Variants in MICALL2 observed in about 807,000 individuals in gnomAD.
MICALL2 encodes the protein MICAL-like protein 2.
Under a neutral mutation model 91.1 loss-of-function variants are expected in MICALL2, and 111 were observed. The observed-to-expected ratio is 1.22, with a 90% confidence interval of 1.04 to 1.43. The LOEUF (loss-of-function observed/expected upper bound fraction) is 1.43, where lower values mean the gene tolerates loss of function less well. Among genes scored for constraint, MICALL2 ranks in the 40% most tolerant of loss-of-function variants. The pLI, the probability that MICALL2 is intolerant of heterozygous loss-of-function variation, is 0.00. For missense variants in MICALL2, 1,556 were observed against 1,236.0 expected (o/e 1.26, Z -3.88); for synonymous variants, 694 against 525.3 (o/e 1.32, Z -4.39).
chr7:1,440,889 C>A (rs1780248892), intron 7 of MICALL2: 2 of 563,856 alleles, frequency 3.5e-6, no homozygotes, highest in Admixed American at 3.0e-5. Context: ...GCTGTGTGTC[C>A]CTGGGGGAAG....
At chr7:1,447,125 A>G (rs1315569966) in intron 4 of MICALL2, among the ~76,000 whole-genome samples, 1 of 152,094 alleles carries the variant, frequency 6.6e-6, no homozygotes, top group African/African-American at 2.4e-5. Flanking sequence ...ATCCCATCCA[A>G]TTCCCACCAT....
chr7:1,435,077 C>G (rs549129945), intron 16 of MICALL2, 24 bp downstream of exon 16: 1 of 1,610,592 alleles, frequency 6.2e-7, no homozygotes, highest in African/African-American at 1.3e-5. Flanking sequence ...CCAGCCCAGC[C>G]CTCAGCATCC....
intron 1 of MICALL2, among the ~76,000 whole-genome samples, chr7:1,456,548 T>C (rs942056564): frequency 1.3e-5 from 2 of 152,120 alleles, no homozygotes; most frequent in African/African-American, 4.8e-5. Flanking sequence ...ATCGCACCAC[T>C]GCACTCCAGC....
chr7:1,438,843 G>A lies in MICALL2; in HGVS notation c.2119C>T (p.Pro707Ser), dbSNP rs761838976. The stretch of plus-strand genomic sequence containing the variant: ...CAGCGGTGTCTCTGGGGCTGACCTG[G>A]TTTGCCCTGAAGGTGAGGTTTCTTC... ...EEKKPHLQGK[P>S]GRPLSPANVP... is the part of the protein sequence containing the mutation. The change falls in exon 10 of 17, where the codon CCA becomes TCA. Residue 707 changes from proline to serine, a missense_variant. Coordinates refer to ENST00000297508, the MANE Select transcript of MICALL2 (RefSeq NM_182924.4). 9.4e-6 allele frequency: 15 copies of A among 1,602,940 alleles called. No individual in the cohort carries two copies. The South Asian group carries it at 1.4e-4, about 15-fold the overall frequency.
At chr7:1,448,518 G>GA (rs1562463865) in intron 3 of MICALL2, 102 bp downstream of exon 3, 1 of 1,084,076 alleles carries the variant, frequency 9.2e-7, no homozygotes, top group African/African-American at 1.6e-5. Context: ...ATTCTTGGGG[G>GA]GGGGGCTGGG....
In MICALL2 at chr7:1,448,758, A is replaced by G; in HGVS notation, c.196T>C (p.Phe66Leu). The G allele has an allele frequency of 6.2e-7, 1 of 1,612,548 alleles. No individual in the cohort carries two copies. The highest frequency in any genetic ancestry group is 8.5e-7 in the Non-Finnish European group (1 of 1,179,854). Residue 66 changes from phenylalanine to leucine, a missense_variant, in exon 3 of 17, where the codon TTC becomes CTC. Physicochemically the swap from Phe to Leu is conservative, Grantham distance 22. Transcript: ENST00000297508. Reference sequence around the variant, plus strand: ...CCCAAGTGCTCCTCGGCCACGCGGAAGGCCTGCGAAAGGTGGGAGGGGGTC... The same window carrying G: ...CCCAAGTGCTCCTCGGCCACGCGGAGGGCCTGCGAAAGGTGGGAGGGGGTC... ...ENIYENNKLA[F>L]RVAEEHLGIP...
chr7:1,434,616 TG>T lies in MICALL2; in HGVS notation c.2694del (p.Ser898ArgfsTer11). On this transcript the variant is annotated frameshift_variant, in exon 17 of 17. Coordinates refer to ENST00000297508, the MANE Select transcript of MICALL2 (RefSeq NM_182924.4). LOFTEE classifies it high-confidence loss of function. ...FRLSKIWSPK[S>X]KSSPSQ ...GGCTACTACTGGGAGGGGCTGCTTT[TG>T]CTTTTTGGTGACCAGATCTTGGACA... 1.3e-6 allele frequency: 2 copies of T among 1,589,896 alleles called. No homozygotes were observed. Among genetic ancestry groups the T allele is most frequent in the Non-Finnish European group, 1.7e-6 (2 of 1,172,204 alleles).
In MICALL2 at chr7:1,438,233, G is replaced by A. The variant is rs1417223070; in HGVS notation, c.2188-13C>T. 3 of 1,589,134 alleles carry A rather than the reference G, an allele frequency of 1.9e-6. No individual in the cohort carries two copies. The highest frequency in any genetic ancestry group is 1.1e-5 in the South Asian group (1 of 87,874). ...AGTCGGGGTGCAGCTGGGAACGGAG[G>A]GGCGGTGAGGATGCCGGAGGGCTGG... is the stretch of plus-strand genomic sequence containing the variant. On this transcript the variant is annotated splice_polypyrimidine_tract_variant and intron_variant, in intron 11 of 16. Coordinates refer to ENST00000297508, the MANE Select transcript of MICALL2 (RefSeq NM_182924.4).
At position 1,444,664 on chromosome 7, in the gene MICALL2, G is replaced by A. The variant is rs538883284; in HGVS notation, c.1406C>T (p.Pro469Leu). 8.5e-5 allele frequency: 137 copies of A among 1,610,564 alleles called. 2 individuals carry two copies. Among genetic ancestry groups the A allele is most frequent in the South Asian group, 6.5e-4 (59 of 91,046 alleles). The change falls in exon 6 of 17, where the codon CCG (proline) becomes CTG (leucine). Residue 469 changes from proline to leucine, a missense_variant. By Grantham distance (98) the Pro-to-Leu change is moderately conservative. Coordinates refer to ENST00000297508, the MANE Select transcript of MICALL2 (RefSeq NM_182924.4). ...CCCACGCGCTCACCTGCCAGGCGCC[G>A]GAGCGCCAGCCTCTTCCAGCGCTGA... ...ALSALEEAGA[P>L]APGRPSPATA...
chr7:1,439,962 C>A lies in MICALL2; in HGVS notation c.1929G>T (p.Arg643Ser). The change falls in exon 9 of 17, where the codon AGG (arginine) becomes AGT (serine). Residue 643 changes from arginine to serine, a missense_variant. Physicochemically the swap from Arg to Ser is moderately radical, Grantham distance 110. Coordinates refer to ENST00000297508, the MANE Select transcript of MICALL2 (RefSeq NM_182924.4). ...HITLTPVRPDRTPRPASPGPS... is the reference protein window; with the variant it reads ...HITLTPVRPDSTPRPASPGPS... ...GTCCTGGGCTGGCTGGGCGTGGGGT[C>A]CTGTCAGGCCTCACGGGGGTCAGGG... The A allele has an allele frequency of 6.6e-7, 1 of 1,508,320 alleles. No individual in the cohort carries two copies. Among genetic ancestry groups the A allele is most frequent in the Non-Finnish European group, 8.8e-7 (1 of 1,137,514 alleles). The allele number at this position is 1,508,320 out of a possible 1,614,324, so 93.4% of individuals were successfully genotyped here.
chr7:1,447,277 C>T (rs1780641912), intron 4 of MICALL2, among the ~76,000 whole-genome samples: 1 of 152,184 alleles, frequency 6.6e-6, no homozygotes, highest in Non-Finnish European at 1.5e-5. Flanking sequence ...GGGTACAGGG[C>T]ATAGCCCAGC....
At chr7:1,450,098 G>A (rs1780770616) in intron 2 of MICALL2, 142 bp downstream of exon 2, 2 of 695,560 alleles carry the variant, frequency 2.9e-6, no homozygotes, top group Non-Finnish European at 5.2e-6. Flanking sequence ...GCGTTGCCGG[G>A]CTGGTCAGGG....
chr7:1,444,558 G>T, intron 6 of MICALL2, 94 bp downstream of exon 6: 2 of 1,230,740 alleles, frequency 1.6e-6, no homozygotes, highest in South Asian at 2.9e-5. Context: ...CACAGCCAGG[G>T]AGGTGCAGCG....
chr7:1,438,659 A>T (rs925862473), intron 10 of MICALL2, 181 bp downstream of exon 10: 2 of 1,426,896 alleles, frequency 1.4e-6, no homozygotes, highest in Non-Finnish European at 9.1e-7. Context: ...GTACTCTGAA[A>T]CAGCTAGGGT....
rs377426816 is a variant in MICALL2 at position 1,435,096 on chromosome 7, G to A, written c.2638+5C>T. ...CCCAGCCCTCAGCATCCCCGGCCCA[G>A]TCACCCAGCTTCTCAATCATGTCCC... On this transcript the variant is annotated splice_donor_5th_base_variant and intron_variant, in intron 16 of 16. Transcript: ENST00000297508. 1.1e-4 allele frequency: 182 copies of A among 1,611,714 alleles called. No individual in the cohort carries two copies. Among genetic ancestry groups the A allele is most frequent in the Non-Finnish European group, 1.5e-4 (175 of 1,179,540 alleles).
chr7:1,438,028 GC>G (rs1293689961), intron 12 of MICALL2, 48 bp from the exon 13 acceptor site: 5 of 1,554,830 alleles, frequency 3.2e-6, no homozygotes, highest in East Asian at 2.4e-5. Flanking sequence ...AGAGTTCATG[GC>G]CCCCAGCCCC....
Position 1,442,197 on chromosome 7 carries a change from G to C in MICALL2, c.1706C>G (p.Thr569Arg), listed in dbSNP as rs772769115. ...PMAKGKSTTL[T>R]QDMSTSLQEG... ...CCTCCCAGCCCCTTACTCACCCTGC[G>C]TTAAGGTGGTGCTTTTACCCTTTGC... The change falls in exon 7 of 17, where the codon ACG becomes AGG. Residue 569 changes from threonine to arginine, a missense_variant. Transcript: ENST00000297508. The C allele has an allele frequency of 1.9e-6, 3 of 1,612,440 alleles. No homozygotes were observed. The highest frequency in any genetic ancestry group is 2.5e-6 in the Non-Finnish European group (3 of 1,179,864).
At chr7:1,442,105 A>T (rs1780309557) in intron 7 of MICALL2, 87 bp downstream of exon 7, 9 of 1,451,960 alleles carry the variant, frequency 6.2e-6, no homozygotes, top group Non-Finnish European at 8.5e-6. Context: ...GCTGATGATG[A>T]AACCGCACAC....
chr7:1,453,144 G>A (rs1780896458), intron 1 of MICALL2, among the ~76,000 whole-genome samples: 1 of 151,896 alleles, frequency 6.6e-6, no homozygotes, highest in Non-Finnish European at 1.5e-5. Context: ...GTGTCTCCAG[G>A]AGCCCCCCAA....
Sources: allele counts gnomAD v4.1 joint callset (sites outside exome capture counted in the v4.1 genomes callset), GRCh38; gene constraint gnomAD v4.1.1; transcripts MANE v1.5; gene names NCBI Gene and HGNC (gene_info 2026-07-23, HGNC 2026-07-21).